ZNF138: variants seen among roughly 807,000 people sequenced by gnomAD.
ZNF138 encodes the protein zinc finger protein 138 (clone pHZ-32).
Under a neutral mutation model 33.0 loss-of-function variants are expected in ZNF138, and 33 were observed. The observed-to-expected ratio is 1.00, with a 90% confidence interval of 0.76 to 1.34. The LOEUF is 1.34. ZNF138 is among the 40% of genes most tolerant of loss of function. The pLI, the probability that ZNF138 is intolerant of heterozygous loss-of-function variation, is 0.00. For missense variants in ZNF138, 360 were observed against 370.8 expected (o/e 0.97, Z 0.24); for synonymous variants, 139 against 120.4 (o/e 1.15, Z -1.01).
At chr7:64,837,780 T>C (rs1479389710), downstream of ZNF138, among the ~76,000 whole-genome samples, 1 of 152,214 alleles carries the variant, frequency 6.6e-6, no homozygotes, top group African/African-American at 2.4e-5. Context: ...ATCTGTTCGA[T>C]GAGGGTTGAA....
At chr7:64,815,078 A>G in intron 2 of ZNF138, 34 bp downstream of exon 2, 2 of 1,492,534 alleles carry the variant, frequency 1.3e-6, no homozygotes, top group South Asian at 2.8e-5. Context: ...TTCCTAATAT[A>G]TCCTAAAGGT....
intron 1 of ZNF138, among the ~76,000 whole-genome samples, chr7:64,810,982 C>G (rs891534823): frequency 1.3e-5 from 2 of 152,166 alleles, no homozygotes; most frequent in Admixed American, 1.3e-4. Context: ...CATTTACCAA[C>G]CTGTTTTCTA....
the ZNF138 span, among the ~76,000 whole-genome samples, chr7:64,846,404 T>G: frequency 1.3e-5 from 2 of 152,244 alleles, no homozygotes; most frequent in African/African-American, 2.4e-5. Context: ...GCATGGGATG[T>G]GTTTTCATTT....
the ZNF138 span, chr7:64,852,463 G>C: frequency 6.9e-6 from 11 of 1,583,260 alleles, no homozygotes; most frequent in Admixed American, 1.7e-5. Context: ...CGATGATCAG[G>C]GGTTTGTCTA....
At chr7:64,805,824 G>A (rs1401729147) in intron 1 of ZNF138, among the ~76,000 whole-genome samples, 1 of 152,194 alleles carries the variant, frequency 6.6e-6, no homozygotes, top group African/African-American at 2.4e-5. Flanking sequence ...GATGTGAAAA[G>A]TTTATTTTGT....
intron 1 of ZNF138, among the ~76,000 whole-genome samples, chr7:64,799,433 G>GA (rs1384761288): frequency 6.6e-6 from 1 of 152,078 alleles, no homozygotes; most frequent in African/African-American, 2.4e-5. Context: ...AAAGTGCTGG[G>GA]ATTACAGGCT....
At chr7:64,809,789 C>T (rs1442824607) in intron 1 of ZNF138, among the ~76,000 whole-genome samples, 10 of 139,786 alleles carry the variant, frequency 7.2e-5, no homozygotes, top group African/African-American at 2.4e-4. Context: ...GGGGTCGCGG[C>T]CGGGCAGAGG....
At position 64,807,819 on chromosome 7, in the gene ZNF138, C is replaced by G. The variant is rs182142560; in HGVS notation, c.4-7099C>G. 4.1e-4 allele frequency among the ~76,000 whole-genome samples: 63 copies of G among 152,276 alleles called. 2 individuals carry two copies. The South Asian group carries it at 6.2e-3, about 15-fold the overall frequency. On this transcript the variant is annotated intron_variant, in intron 1 of 3. Coordinates refer to ENST00000307355, the MANE Select transcript of ZNF138 (RefSeq NM_001271639.2). ...TAAGATGCTCTTGTGTAAATAGAAT[C>G]TGATGGCAGAATCTGTAAGTGTAAA...
At chr7:64,825,195 C>T (rs1230233029) in intron 3 of ZNF138, among the ~76,000 whole-genome samples, 20 of 96,280 alleles carry the variant, frequency 2.1e-4, no homozygotes, top group African/African-American at 8.1e-4. Context: ...TTTTTTGAGA[C>T]GGAGTCTCGC....
At chr7:64,841,753 G>A in the ZNF138 span, among the ~76,000 whole-genome samples, 92,911 of 152,010 alleles carry the variant, frequency 0.61, 28,704 homozygotes, top group East Asian at 0.7. Context: ...ATTTTACATG[G>A]TACTTTGTAG....
chr7:64,814,854 T>A, intron 1 of ZNF138, 64 bp from the exon 2 acceptor site: 6 of 1,600,216 alleles, frequency 3.7e-6, no homozygotes, highest in Non-Finnish European at 5.1e-6. Context: ...TGAGTCAAAT[T>A]TAAAATTCTG....
chr7:64,814,809 A>T (rs1788474209), intron 1 of ZNF138, 109 bp from the exon 2 acceptor site: 2 of 1,411,680 alleles, frequency 1.4e-6, no homozygotes, highest in Non-Finnish European at 2.0e-6. Flanking sequence ...CTCCTGTAAG[A>T]CATAATCAGT....
chr7:64,810,976 T>C (rs1788133136), intron 1 of ZNF138, among the ~76,000 whole-genome samples: 1 of 152,250 alleles, frequency 6.6e-6, no homozygotes, highest in South Asian at 2.1e-4. Context: ...ACATTCCATT[T>C]ACCAACCTGT....
downstream of ZNF138, chr7:64,833,829 A>C (rs1051461853): frequency 1.3e-5 from 2 of 152,194 alleles, no homozygotes; most frequent in Admixed American, 6.6e-5. Flanking sequence ...GGTTCAAGCA[A>C]TTCTCCTGCC....
intron 2 of ZNF138, 135 bp downstream of exon 2, chr7:64,815,179 T>C (rs951187305): frequency 6.2e-6 from 6 of 967,588 alleles, no homozygotes; most frequent in Non-Finnish European, 8.5e-6. Flanking sequence ...AAAGAATCTT[T>C]GAGATTTGTC....
chr7:64,808,413 C>T (rs1024619251), intron 1 of ZNF138, among the ~76,000 whole-genome samples: 3 of 152,096 alleles, frequency 2.0e-5, no homozygotes, highest in Non-Finnish European at 2.9e-5. Flanking sequence ...AACTGTTAGT[C>T]TTGACTAGCA....
chr7:64,815,749 A>G (rs1197796179), intron 3 of ZNF138, 96 bp downstream of exon 3: 1 of 1,166,218 alleles, frequency 8.6e-7, no homozygotes, highest in Non-Finnish European at 1.2e-6. Flanking sequence ...CTGTATTCCA[A>G]AGGAAATAGT....
chr7:64,852,782 G>A, the ZNF138 span: 1 of 844,072 alleles, frequency 1.2e-6, no homozygotes, highest in South Asian at 1.3e-5. Flanking sequence ...CACATCCCCT[G>A]GTACTGCATT....
chr7:64,830,661 TATA>T (rs931226554), intron 3 of ZNF138, among the ~76,000 whole-genome samples: 14 of 152,258 alleles, frequency 9.2e-5, no homozygotes, highest in African/African-American at 3.4e-4. Context: ...CTGAAAATTT[TATA>T]ATAATTGATA....
Sources: allele counts gnomAD v4.1 joint callset (sites outside exome capture counted in the v4.1 genomes callset), GRCh38; gene constraint gnomAD v4.1.1; transcripts MANE v1.5; gene names NCBI Gene and HGNC (gene_info 2026-07-23, HGNC 2026-07-21).